TAF7: variants seen among roughly 807,000 people sequenced by gnomAD.
The protein encoded by TAF7 is TATA-box binding protein associated factor 7.
TAF7 carries 9 observed loss-of-function variants against 25.3 expected under a neutral mutation model. The observed-to-expected ratio is 0.36, with a 90% CI of 0.21 to 0.62. The LOEUF is 0.62. Ranked by LOEUF, TAF7 falls within the 20% of genes least tolerant of loss-of-function variation. The pLI, the probability that TAF7 is intolerant of heterozygous loss-of-function variation, is 0.72. For synonymous variants in TAF7, 127 were observed against 146.7 expected, an observed-to-expected ratio of 0.87 and a Z score of 0.97; for missense variants, 311 against 410.6, an observed-to-expected ratio of 0.76 and a Z score of 2.10.
In TAF7 at chr5:141,318,954, T is replaced by C. The variant is rs370926866; in HGVS notation, c.*41A>G. Reference sequence around the variant, plus strand: ...TACAATAAAGCCAAGAATTTTCTAATGCTGACCAGTCTGAAGACTGAAATT... The same window carrying C: ...TACAATAAAGCCAAGAATTTTCTAACGCTGACCAGTCTGAAGACTGAAATT... On this transcript the variant is annotated 3_prime_UTR_variant, in exon 1 of 1. Transcript: ENST00000313368. 1.2e-5 allele frequency: 18 copies of C among 1,505,336 alleles called. No individual in the cohort carries two copies. In the African/African-American group the frequency reaches 2.2e-4, roughly 19 times the overall value. 93.2% of individuals were successfully genotyped at this position (1,505,336 alleles called of 1,614,324 possible). A position where few individuals can be genotyped will look rare whatever the true frequency, so the allele number is the denominator to read the frequency against.
Position 141,319,916 on chromosome 5 carries a change from C to T in TAF7, c.129G>A (p.Leu43=), listed in dbSNP as rs769062898. 1.2e-6 allele frequency: 2 copies of T among 1,613,918 alleles called. No individual in the cohort carries two copies. Among genetic ancestry groups the T allele is most frequent in the Admixed American group, 3.3e-5 (2 of 59,934 alleles). Residue 43 remains leucine, a synonymous_variant, in exon 1 of 1, where the codon CTG becomes CTA. Transcript: ENST00000313368. The surrounding 1 kb of genome is among the most constrained non-coding windows in gnomAD (Gnocchi z 5.3). ...QSGHVNLKDR[L]TIELHPDGRH... is the part of the protein sequence containing the mutation. ...GCCCATCAGGATGTAACTCAATTGT[C>T]AGTCTGTCCTTGAGGTTGACATGAC...
Position 141,319,494 on chromosome 5 carries a change from A to G in TAF7, c.551T>C (p.Ile184Thr), listed in dbSNP as rs1756126063. ...TGCCTCCTTTGTTTCATCTTCGGCAATTATTTCCCACCGAGTACTAACAGC... is the reference window on the plus strand; with the variant it reads ...TGCCTCCTTTGTTTCATCTTCGGCAGTTATTTCCCACCGAGTACTAACAGC... ...AEAVSTRWEI[I>T]AEDETKEAEN... The change falls in exon 1 of 1, where the codon ATT becomes ACT. Residue 184 changes from isoleucine (I) to threonine (T), a missense_variant. Transcript: ENST00000313368. The surrounding 1 kb of genome is among the most constrained non-coding windows in gnomAD (Gnocchi z 5.3). 6.2e-7 allele frequency: 1 copy of G among 1,614,014 alleles called. No homozygotes were observed. The highest frequency in any genetic ancestry group is 8.5e-7 in the Non-Finnish European group (1 of 1,179,980).
rs757174018 is a variant in TAF7 at position 141,318,622 on chromosome 5, CATT to C, written c.*370_*372del. 85 of 165,160 alleles carry C rather than the reference CATT, an allele frequency of 5.1e-4. No homozygotes were observed. The highest frequency in any genetic ancestry group is 2.8e-3 in the Middle Eastern group (1 of 354). The allele number at this position is 165,160 out of a possible 1,614,324, so 10.2% of individuals were successfully genotyped here. The stretch of plus-strand genomic sequence containing the variant: ...TAGGAAAACATATGCAAACTAGCAT[CATT>C]GTCTCTAGACTAGGTTCTTCTTATT... On this transcript the variant is annotated 3_prime_UTR_variant, in exon 1 of 1. Coordinates refer to ENST00000313368, the MANE Select transcript of TAF7 (RefSeq NM_005642.3).
Position 141,320,135 on chromosome 5 carries a change from T to G in TAF7, c.-91A>C. On this transcript the variant is annotated 5_prime_UTR_variant, in exon 1 of 1. Coordinates refer to ENST00000313368, the MANE Select transcript of TAF7 (RefSeq NM_005642.3). ...AATAGTTTAAAACACCAGTTTGCTA[T>G]GAATTGAAATCTTTTAATTACAAGA... 1 of 1,126,088 alleles carries G rather than the reference T, an allele frequency of 8.9e-7. No individual in the cohort carries two copies. The highest frequency in any genetic ancestry group is 1.3e-6 in the Non-Finnish European group (1 of 796,156). 69.8% of individuals were successfully genotyped at this position (1,126,088 alleles called of 1,614,324 possible).
chr5:141,320,676 G>T lies in TAF7; in HGVS notation c.-632C>A, dbSNP rs1371101479. 6.0e-6 allele frequency: 1 copy of T among 167,186 alleles called. No individual in the cohort carries two copies. Among genetic ancestry groups the T allele is most frequent in the Non-Finnish European group, 1.5e-5 (1 of 68,166 alleles). 10.4% of individuals were successfully genotyped at this position (167,186 alleles called of 1,614,324 possible). ...ATCCACTACCGATTACTGATGAAAG[G>T]GCCCGGGATGGGCAGCGCGAAATCT... On this transcript the variant is annotated 5_prime_UTR_variant, in exon 1 of 1. Transcript: ENST00000313368.
At position 141,320,284 on chromosome 5, in the gene TAF7, T is replaced by A; in HGVS notation, c.-240A>T. ...TTAACACAAAGGCTTATTCACAGAC[T>A]TAAGTTCATTAAATCAGATGCAATG... On this transcript the variant is annotated 5_prime_UTR_variant, in exon 1 of 1. The change creates a new upstream start codon in the 5' untranslated region. Transcript: ENST00000313368. 6 of 482,494 alleles carry A rather than the reference T, an allele frequency of 1.2e-5. No homozygotes were observed. The East Asian group carries it at 1.5e-4, about 12-fold the overall frequency. 29.9% of individuals were successfully genotyped at this position (482,494 alleles called of 1,614,324 possible).
In TAF7 at chr5:141,320,194, T is replaced by C. The variant is rs1756136977; in HGVS notation, c.-150A>G. On this transcript the variant is annotated 5_prime_UTR_variant, in exon 1 of 1. Coordinates refer to ENST00000313368, the MANE Select transcript of TAF7 (RefSeq NM_005642.3). ...GTAGATCAGCAGCTAAGCGTCTATT[T>C]TGCCTTAGTTTTTATTTAAGCTCCA... 5.7e-6 allele frequency: 4 copies of C among 701,064 alleles called. No homozygotes were observed. Among genetic ancestry groups the C allele is most frequent in the Admixed American group, 3.0e-5 (1 of 33,036 alleles). 43.4% of individuals were successfully genotyped at this position (701,064 alleles called of 1,614,324 possible). A position where few individuals can be genotyped will look rare whatever the true frequency, so the allele number is the denominator to read the frequency against.
chr5:141,319,166 T>C lies in TAF7; in HGVS notation c.879A>G (p.Gln293=). The C allele has an allele frequency of 6.2e-7, 1 of 1,614,192 alleles. No individual in the cohort carries two copies. Among genetic ancestry groups the C allele is most frequent in the Non-Finnish European group, 8.5e-7 (1 of 1,180,032 alleles). ...KQIDNMKGKL[Q]ETQDRAKRQE... is the part of the protein sequence containing the mutation. ...GTCGTTTTGCCCTGTCCTGGGTCTC[T>C]TGGAGCTTGCCTTTCATGTTGTCAA... Residue 293 remains glutamine (Q), a synonymous_variant, in exon 1 of 1, where the codon CAA becomes CAG. Coordinates refer to ENST00000313368, the MANE Select transcript of TAF7 (RefSeq NM_005642.3). This position sits in a 1 kb window ranked among gnomAD's most constrained non-coding sequence, Gnocchi z 5.3.
rs1756128617 is a variant in TAF7, at chr5:141,319,713, A to C, written c.332T>G (p.Val111Gly). The change falls in exon 1 of 1, where the codon GTT (valine) becomes GGT (glycine). Residue 111 changes from valine to glycine, a missense_variant. Coordinates refer to ENST00000313368, the MANE Select transcript of TAF7 (RefSeq NM_005642.3). The surrounding 1 kb of genome is among the most constrained non-coding windows in gnomAD (Gnocchi z 5.3). ...GDLYPPVEEP[V>G]ASTDPKASKK... Reference sequence around the variant, plus strand: ...GCTTGCTTTAGGATCAGTGCTAGCAACTGGCTCCTCCACAGGAGGATAGAG... The same window carrying C: ...GCTTGCTTTAGGATCAGTGCTAGCACCTGGCTCCTCCACAGGAGGATAGAG... 13 of 1,614,130 alleles carry C rather than the reference A, an allele frequency of 8.1e-6. No homozygotes were observed. Among genetic ancestry groups the C allele is most frequent in the East Asian group, 2.2e-5 (1 of 44,888 alleles).
rs1756129086 is a variant in TAF7 at position 141,319,745 on chromosome 5, A to G, written c.300T>C (p.Asp100=). 1 of 1,614,122 alleles carries G rather than the reference A, an allele frequency of 6.2e-7. No individual in the cohort carries two copies. The highest frequency in any genetic ancestry group is 1.1e-5 in the South Asian group (1 of 91,086). Residue 100 remains aspartate, a synonymous_variant, in exon 1 of 1, where the codon GAT becomes GAC. Transcript: ENST00000313368. This position sits in a 1 kb window ranked among gnomAD's most constrained non-coding sequence, Gnocchi z 5.3. Reference sequence around the variant, plus strand: ...CCTCCACAGGAGGATAGAGATCACCATCAACTGTGGATACAAGCATCTGAC... The same window carrying G: ...CCTCCACAGGAGGATAGAGATCACCGTCAACTGTGGATACAAGCATCTGAC... ...DICQMLVSTV[D]GDLYPPVEEP... is the part of the protein sequence containing the mutation.
chr5:141,319,235 T>A lies in TAF7; in HGVS notation c.810A>T (p.Glu270Asp). The change falls in exon 1 of 1, where the codon GAA becomes GAT. Residue 270 changes from glutamate (E) to aspartate (D), a missense_variant. Glu to Asp is a conservative substitution (Grantham distance 45). Coordinates refer to ENST00000313368, the MANE Select transcript of TAF7 (RefSeq NM_005642.3). The surrounding 1 kb of genome is among the most constrained non-coding windows in gnomAD (Gnocchi z 5.3). ...TAACCAGCTGATTGGTTCCTTCATT[T>A]TCCTGGTGCTGTTCATCTGATTCAT... is the stretch of plus-strand genomic sequence containing the variant. ...KLNESDEQHQ[E>D]NEGTNQLVMG... is the part of the protein sequence containing the mutation. 1 of 1,614,134 alleles carries A rather than the reference T, an allele frequency of 6.2e-7. No homozygotes were observed. Among genetic ancestry groups the A allele is most frequent in the Non-Finnish European group, 8.5e-7 (1 of 1,180,038 alleles).
Position 141,320,172 on chromosome 5 carries a change from G to T in TAF7, c.-128C>A. ...TTTTAATTACAAGAAGTTCTCTGTA[G>T]ATCAGCAGCTAAGCGTCTATTTTGC... is the stretch of plus-strand genomic sequence containing the variant. On this transcript the variant is annotated 5_prime_UTR_variant, in exon 1 of 1. Transcript: ENST00000313368. 1.3e-6 allele frequency: 1 copy of T among 799,390 alleles called. No individual in the cohort carries two copies. The highest frequency in any genetic ancestry group is 2.0e-6 in the Non-Finnish European group (1 of 505,752). 49.5% of individuals were successfully genotyped at this position (799,390 alleles called of 1,614,324 possible). A position where few individuals can be genotyped will look rare whatever the true frequency, so the allele number is the denominator to read the frequency against.
In TAF7 at chr5:141,319,167, T is replaced by C. The variant is rs764956989; in HGVS notation, c.878A>G (p.Gln293Arg). 5 of 1,614,042 alleles carry C rather than the reference T, an allele frequency of 3.1e-6. No individual in the cohort carries two copies. The African/African-American group carries it at 4.0e-5, about 13-fold the overall frequency. The change falls in exon 1 of 1, where the codon CAA becomes CGA. Residue 293 changes from glutamine (Q) to arginine (R), a missense_variant. Physicochemically the swap from Gln to Arg is conservative, Grantham distance 43. Transcript: ENST00000313368. This position sits in a 1 kb window ranked among gnomAD's most constrained non-coding sequence, Gnocchi z 5.3. Reference sequence around the variant, plus strand: ...TCGTTTTGCCCTGTCCTGGGTCTCTTGGAGCTTGCCTTTCATGTTGTCAAT... The same window carrying C: ...TCGTTTTGCCCTGTCCTGGGTCTCTCGGAGCTTGCCTTTCATGTTGTCAAT... ...KQIDNMKGKL[Q>R]ETQDRAKRQE...
In TAF7 at chr5:141,320,770, A is replaced by G. The variant is rs1188891660; in HGVS notation, c.-726T>C. On this transcript the variant is annotated 5_prime_UTR_variant, in exon 1 of 1. Coordinates refer to ENST00000313368, the MANE Select transcript of TAF7 (RefSeq NM_005642.3). ...GGCCCTCCGTCCGGGTCGCCTACCC[A>G]GCAAAAACGGAAGTGCTACGTCGCG... is the stretch of plus-strand genomic sequence containing the variant. 2 of 167,138 alleles carry G rather than the reference A, an allele frequency of 1.2e-5. No homozygotes were observed. The highest frequency in any genetic ancestry group is 1.9e-4 in the East Asian group (1 of 5,198). The allele number at this position is 167,138 out of a possible 1,614,324, so 10.4% of individuals were successfully genotyped here.
In TAF7 at chr5:141,320,050, T is replaced by C. The variant is rs746836986; in HGVS notation, c.-6A>G. 3.1e-6 allele frequency: 5 copies of C among 1,603,024 alleles called. No individual in the cohort carries two copies. In the South Asian group the frequency reaches 4.4e-5, roughly 14 times the overall value. ...TCATCTTTGCTTTTACTCATCTTTA[T>C]TTCCTTGTGATTCACTTCTCCAATA... is the stretch of plus-strand genomic sequence containing the variant. On this transcript the variant is annotated 5_prime_UTR_variant, in exon 1 of 1. Coordinates refer to ENST00000313368, the MANE Select transcript of TAF7 (RefSeq NM_005642.3).
chr5:141,319,272 T>C lies in TAF7; in HGVS notation c.773A>G (p.Gln258Arg). 2 of 1,614,118 alleles carry C rather than the reference T, an allele frequency of 1.2e-6. No individual in the cohort carries two copies. The highest frequency in any genetic ancestry group is 1.1e-5 in the South Asian group (1 of 91,090). The change falls in exon 1 of 1, where the codon CAG becomes CGG. Residue 258 changes from glutamine to arginine, a missense_variant. Physicochemically the swap from Gln to Arg is conservative, Grantham distance 43 (BLOSUM62 1). This residue lies in a region of TAF7 where 179 missense variants were observed against 206.7 expected (regional missense o/e 0.87). Transcript: ENST00000313368. This position sits in a 1 kb window ranked among gnomAD's most constrained non-coding sequence, Gnocchi z 5.3. ...DTEEDLERQLQDKLNESDEQH... is the reference protein window; with the variant it reads ...DTEEDLERQLRDKLNESDEQH... ...TTCATCTGATTCATTTAGCTTGTCCTGTAGCTGTCTCTCCAGATCTTCCTC... is the reference window on the plus strand; with the variant it reads ...TTCATCTGATTCATTTAGCTTGTCCCGTAGCTGTCTCTCCAGATCTTCCTC...
At position 141,318,967 on chromosome 5, in the gene TAF7, G is replaced by T. The variant is rs769268093; in HGVS notation, c.*28C>A. ...AGAATTTTCTAATGCTGACCAGTCT[G>T]AAGACTGAAATTAAATATCAGTTCT... On this transcript the variant is annotated 3_prime_UTR_variant, in exon 1 of 1. Transcript: ENST00000313368. 2 of 1,536,888 alleles carry T rather than the reference G, an allele frequency of 1.3e-6. No individual in the cohort carries two copies. Among genetic ancestry groups the T allele is most frequent in the South Asian group, 1.3e-5 (1 of 78,722 alleles).
rs143209032 is a variant in TAF7, at chr5:141,319,221, T to C, written c.824A>G (p.Asn275Ser). The stretch of plus-strand genomic sequence containing the variant: ...CTTCTGAATTCCCATAACCAGCTGA[T>C]TGGTTCCTTCATTTTCCTGGTGCTG... ...DEQHQENEGT[N>S]QLVMGIQKQI... The change falls in exon 1 of 1, where the codon AAT becomes AGT. Residue 275 changes from asparagine to serine, a missense_variant. Asn to Ser is a conservative substitution (Grantham distance 46). Transcript: ENST00000313368. This position sits in a 1 kb window ranked among gnomAD's most constrained non-coding sequence, Gnocchi z 5.3. The C allele has an allele frequency of 5.3e-5, 85 of 1,614,078 alleles. No homozygotes were observed. In the African/African-American group the frequency reaches 7.3e-4, roughly 14 times the overall value.
chr5:141,320,320 A>C lies in TAF7; in HGVS notation c.-276T>G. 1 of 320,236 alleles carries C rather than the reference A, an allele frequency of 3.1e-6. No homozygotes were observed. Among genetic ancestry groups the C allele is most frequent in the Admixed American group, 4.8e-5 (1 of 20,948 alleles). 19.8% of individuals were successfully genotyped at this position (320,236 alleles called of 1,614,324 possible). ...AAATCAGATGCAATGCCAAGTCCCA[A>C]CCTCTAGGTGCCGCTGCCGGACAAC... On this transcript the variant is annotated 5_prime_UTR_variant, in exon 1 of 1. Coordinates refer to ENST00000313368, the MANE Select transcript of TAF7 (RefSeq NM_005642.3).
Sources: allele counts gnomAD v4.1 joint callset, GRCh38; gene constraint gnomAD v4.1.1; regional missense constraint gnomAD v4.1.1; non-coding constraint Gnocchi (gnomAD v3.1); transcripts MANE v1.5; gene names NCBI Gene and HGNC (gene_info 2026-07-23, HGNC 2026-07-21).